The following ATG7 variants were observed in gnomAD, a reference collection of about 807,000 sequenced individuals.
The protein encoded by ATG7 is autophagy related 7, also known as ubiquitin-like modifier-activating enzyme ATG7.
ATG7 carries 70 observed loss-of-function variants against 82.4 expected under a neutral mutation model. The observed-to-expected ratio is 0.85, with a 90% confidence interval of 0.70 to 1.04. The LOEUF is 1.04. ATG7 is among the 50% of genes least tolerant of loss of function. The pLI is 0.00. For missense variants in ATG7, 792 were observed against 864.3 expected, an observed-to-expected ratio of 0.92 and a Z score of 1.05; for synonymous variants, 287 against 313.0, an observed-to-expected ratio of 0.92 and a Z score of 0.88.
chr3:11,546,882 T>C (rs1023509371), intron 20 of ATG7, among the ~76,000 whole-genome samples: 1 of 152,230 alleles, frequency 6.6e-6, no homozygotes, highest in Non-Finnish European at 1.5e-5. Flanking sequence ...AGCCCACCCT[T>C]GCCAGCGGAG....
intron 3 of ATG7, 81 bp from the exon 4 acceptor site, chr3:11,298,605 A>C: frequency 7.2e-7 from 1 of 1,388,250 alleles, no homozygotes; most frequent in Non-Finnish European, 9.9e-7. Context: ...TGTTTGAATT[A>C]AACTTTATTA....
At chr3:11,287,143 G>A (rs767155927) in intron 3 of ATG7, among the ~76,000 whole-genome samples, 22 of 152,278 alleles carry the variant, frequency 1.4e-4, no homozygotes, top group Non-Finnish European at 2.8e-4. Flanking sequence ...AAAGGAATAT[G>A]AGCCAGGATC....
chr3:11,373,983 A>C (rs911181865), intron 18 of ATG7, among the ~76,000 whole-genome samples: 1 of 152,148 alleles, frequency 6.6e-6, no homozygotes, highest in Non-Finnish European at 1.5e-5. Flanking sequence ...TTCATAATTT[A>C]TTGTCTTACG....
At chr3:11,344,069 T>C (rs1226471662) in intron 13 of ATG7, among the ~76,000 whole-genome samples, 1 of 152,194 alleles carries the variant, frequency 6.6e-6, no homozygotes, top group Non-Finnish European at 1.5e-5. Context: ...TTTTTTCCTT[T>C]AGAGATATTT....
At chr3:11,528,009 T>G (rs1378037596) in intron 20 of ATG7, among the ~76,000 whole-genome samples, 1 of 152,250 alleles carries the variant, frequency 6.6e-6, no homozygotes, top group African/African-American at 2.4e-5. Flanking sequence ...AAATCTTCCC[T>G]GCTTTGCCTG....
chr3:11,377,464 C>G (rs992452229), intron 18 of ATG7, among the ~76,000 whole-genome samples: 1 of 152,110 alleles, frequency 6.6e-6, no homozygotes, highest in Admixed American at 6.5e-5. Flanking sequence ...TGTTTTTCTT[C>G]TCTATTTCCT....
chr3:11,476,292 A>T (rs1474571512), intron 20 of ATG7, among the ~76,000 whole-genome samples: 1 of 152,144 alleles, frequency 6.6e-6, no homozygotes, highest in African/African-American at 2.4e-5. Context: ...ATCTGGCTAC[A>T]TATCAGTTTG....
chr3:11,406,427 C>A (rs563323510), intron 19 of ATG7, among the ~76,000 whole-genome samples: 1 of 152,242 alleles, frequency 6.6e-6, no homozygotes, highest in East Asian at 1.9e-4. Context: ...CTCAGTCCCC[C>A]ACCAAGTTAC....
At position 11,554,852 on chromosome 3, in the gene ATG7, C is replaced by T. The variant is rs561289211; in HGVS notation, c.*9C>T. The T allele has an allele frequency of 2.9e-5, 47 of 1,612,344 alleles. No homozygotes were observed. The highest frequency in any genetic ancestry group is 2.0e-4 in the Admixed American group (12 of 59,950). ...ATGATGAGACCATCTGAGATGGCCC[C>T]GCTGTGGGGCTGACTTCTCCCCGGC... On this transcript the variant is annotated 3_prime_UTR_variant, in exon 21 of 21. Transcript: ENST00000693202.
At chr3:11,464,000 G>GAGC (rs1391944222) in intron 20 of ATG7, among the ~76,000 whole-genome samples, 1 of 152,204 alleles carries the variant, frequency 6.6e-6, no homozygotes, top group African/African-American at 2.4e-5. Context: ...ACAAACCTGA[G>GAGC]AGCATATCAG....
chr3:11,533,365 C>T (rs1311851173), intron 20 of ATG7, among the ~76,000 whole-genome samples: 3 of 151,276 alleles, frequency 2.0e-5, no homozygotes, highest in South Asian at 2.1e-4. Context: ...TTTTCCAGTC[C>T]AGCTTGCAAT....
chr3:11,564,009 C>T, the ATG7 span, among the ~76,000 whole-genome samples: 31 of 152,254 alleles, frequency 2.0e-4, no homozygotes, highest in African/African-American at 6.3e-4. Context: ...GCACAGAGCC[C>T]GGAGGCACCC....
At chr3:11,491,587 C>T (rs1350377876) in intron 20 of ATG7, among the ~76,000 whole-genome samples, 1 of 152,072 alleles carries the variant, frequency 6.6e-6, no homozygotes, top group Non-Finnish European at 1.5e-5. Flanking sequence ...TCTGTTTTTT[C>T]CCCGTCTTTG....
intron 14 of ATG7, chr3:11,348,269 A>G (rs1954878916): frequency 2.0e-6 from 1 of 502,792 alleles, no homozygotes. Context: ...TGGTTCCTTC[A>G]GTGCGTTCTT....
chr3:11,342,748 A>C (rs1050484044), intron 13 of ATG7, among the ~76,000 whole-genome samples: 3 of 151,784 alleles, frequency 2.0e-5, no homozygotes, highest in Admixed American at 2.0e-4. Context: ...TATTTAATCA[A>C]TTTCAGATTA....
chr3:11,314,143 T>G (rs930861360), intron 8 of ATG7, among the ~76,000 whole-genome samples: 1 of 152,212 alleles, frequency 6.6e-6, no homozygotes, highest in Admixed American at 6.5e-5. Flanking sequence ...CTTTTCTACC[T>G]GGAGCAGTAC....
At chr3:11,316,018 C>A (rs1949363400) in intron 9 of ATG7, among the ~76,000 whole-genome samples, 1 of 152,172 alleles carries the variant, frequency 6.6e-6, no homozygotes, top group Admixed American at 6.5e-5. Context: ...TGTGCCCAGC[C>A]AATACCTTAC....
At chr3:11,392,653 C>T (rs954467815) in intron 19 of ATG7, among the ~76,000 whole-genome samples, 7 of 152,000 alleles carry the variant, frequency 4.6e-5, no homozygotes, top group African/African-American at 1.4e-4. Context: ...TCTTGGAGGG[C>T]CTGGGATGGC....
chr3:11,337,825 A>G (rs949304534), intron 11 of ATG7, among the ~76,000 whole-genome samples: 4 of 152,050 alleles, frequency 2.6e-5, no homozygotes. Flanking sequence ...TTTTAATTTG[A>G]AATTATGTCT....
Sources: allele counts gnomAD v4.1 joint callset (sites outside exome capture counted in the v4.1 genomes callset), GRCh38; gene constraint gnomAD v4.1.1; transcripts MANE v1.5; gene names NCBI Gene and HGNC (gene_info 2026-07-23, HGNC 2026-07-21).